The following ACYP2 variants were observed in gnomAD, a reference collection of about 807,000 sequenced individuals.
ACYP2 encodes acylphosphatase-2.
Under a neutral mutation model 11.2 loss-of-function variants are expected in ACYP2, and 12 were observed. The ratio of observed to expected loss-of-function variants is 1.08; its 90% CI spans 0.69 to 1.74. The LOEUF is 1.74. Ranked by LOEUF, ACYP2 falls within the 40% of genes most tolerant of loss-of-function variation. The pLI is 0.00. For missense variants in ACYP2, 134 were observed against 101.9 expected (o/e 1.31, Z -1.35); for synonymous variants, 43 against 32.2 (o/e 1.33, Z -1.13).
At chr2:54,126,978 G>T (rs1462188458) in intron 4 of ACYP2, among the ~76,000 whole-genome samples, 7 of 149,944 alleles carry the variant, frequency 4.7e-5, no homozygotes, top group African/African-American at 1.7e-4. Context: ...AAATTGACAT[G>T]CAAAAAAGTA....
chr2:54,185,408 T>C (rs1368485241), intron 6 of ACYP2, among the ~76,000 whole-genome samples: 1 of 152,166 alleles, frequency 6.6e-6, no homozygotes, highest in East Asian at 1.9e-4. Flanking sequence ...AATACATGTG[T>C]TATTCAGTGG....
intron 2 of ACYP2, among the ~76,000 whole-genome samples, chr2:53,978,777 G>C (rs1289896451): frequency 6.6e-6 from 1 of 152,118 alleles, no homozygotes; most frequent in East Asian, 1.9e-4. Context: ...AAAAACATTA[G>C]CCAGGTATGG....
chr2:54,109,016 C>T (rs547818092), intron 4 of ACYP2, among the ~76,000 whole-genome samples: 1 of 152,082 alleles, frequency 6.6e-6, no homozygotes, highest in East Asian at 1.9e-4. Context: ...TTCTTTATGC[C>T]AGTTCAGATA....
At chr2:54,256,140 C>T (rs753811470) in intron 6 of ACYP2, 21 of 1,611,746 alleles carry the variant, frequency 1.3e-5, no homozygotes, top group South Asian at 4.4e-5. Flanking sequence ...GAGGACTCTC[C>T]GGGAGGCTCA....
At chr2:54,027,679 A>T (rs143863529) in intron 2 of ACYP2, among the ~76,000 whole-genome samples, 2 of 152,142 alleles carry the variant, frequency 1.3e-5, no homozygotes, top group African/African-American at 4.8e-5. Flanking sequence ...ATCTTGGTAT[A>T]TTTGTTATAA....
At chr2:54,073,779 G>A (rs1216364995) in intron 4 of ACYP2, among the ~76,000 whole-genome samples, 1 of 152,154 alleles carries the variant, frequency 6.6e-6, no homozygotes, top group Non-Finnish European at 1.5e-5. Flanking sequence ...ATGAAAAGTT[G>A]CTTGATGTCT....
intron 4 of ACYP2, among the ~76,000 whole-genome samples, chr2:54,106,507 A>G (rs927412779): frequency 1.3e-5 from 2 of 152,188 alleles, no homozygotes; most frequent in Admixed American, 1.3e-4. Flanking sequence ...CTTTATGAAA[A>G]GCTAATTTTA....
At chr2:54,005,854 A>T (rs10198376) in intron 2 of ACYP2, among the ~76,000 whole-genome samples, 105,253 of 152,178 alleles carry the variant, frequency 0.69, 37,089 homozygotes, top group African/African-American at 0.83. Flanking sequence ...TTGGTTAAAA[A>T]TCACCAAATA....
intron 4 of ACYP2, among the ~76,000 whole-genome samples, chr2:54,072,497 T>C (rs1032753390): frequency 2.6e-4 from 27 of 103,960 alleles, no homozygotes; most frequent in South Asian, 8.1e-4. Context: ...TTTTCTTTCT[T>C]TCTCTCTCTC....
chr2:54,247,892 A>G (rs1023129398), intron 6 of ACYP2, among the ~76,000 whole-genome samples: 2 of 152,206 alleles, frequency 1.3e-5, no homozygotes, highest in Admixed American at 6.5e-5. Flanking sequence ...TGAGTCTCAC[A>G]TTCCTCAGCT....
intron 2 of ACYP2, among the ~76,000 whole-genome samples, chr2:53,992,800 C>T (rs112043163): frequency 6.9e-6 from 1 of 144,278 alleles, no homozygotes; most frequent in African/African-American, 2.6e-5. Context: ...CACTGTACTC[C>T]AGCCTAGGCG....
At chr2:54,071,843 T>C (rs1000223696) in intron 4 of ACYP2, among the ~76,000 whole-genome samples, 1 of 152,144 alleles carries the variant, frequency 6.6e-6, no homozygotes, top group Non-Finnish European at 1.5e-5. Context: ...AAACCCCATC[T>C]GTACTAAAAA....
intron 6 of ACYP2, among the ~76,000 whole-genome samples, chr2:54,261,584 T>C (rs843690): frequency 0.046 from 7,052 of 152,324 alleles, 207 homozygotes; most frequent in Middle Eastern, 0.095. Flanking sequence ...AAAGAGCCTG[T>C]GAATTGTATA....
intron 2 of ACYP2, among the ~76,000 whole-genome samples, chr2:53,980,736 G>C (rs891862393): frequency 1.3e-5 from 2 of 151,498 alleles, no homozygotes; most frequent in Non-Finnish European, 2.9e-5. Context: ...CATGGTAAGC[G>C]CCCTGTATAG....
At chr2:54,104,031 C>A (rs1400431454) in intron 4 of ACYP2, among the ~76,000 whole-genome samples, 1 of 152,212 alleles carries the variant, frequency 6.6e-6, no homozygotes, top group Non-Finnish European at 1.5e-5. Flanking sequence ...CCAGGTTGAA[C>A]AAGAAAGCAG....
At chr2:54,161,587 T>C (rs1163184207) in intron 6 of ACYP2, among the ~76,000 whole-genome samples, 1 of 152,218 alleles carries the variant, frequency 6.6e-6, no homozygotes, top group Admixed American at 6.5e-5. Flanking sequence ...ATAGTAGGTA[T>C]ACATGTTCTA....
At chr2:54,286,437 G>C (rs1179111502) in intron 6 of ACYP2, among the ~76,000 whole-genome samples, 2 of 151,930 alleles carry the variant, frequency 1.3e-5, no homozygotes, top group Non-Finnish European at 1.5e-5. Context: ...CCATTACAAA[G>C]AGTCCCCCCA....
At chr2:54,056,097 A>T (rs1450726128) in intron 3 of ACYP2, among the ~76,000 whole-genome samples, 1 of 152,238 alleles carries the variant, frequency 6.6e-6, no homozygotes, top group Non-Finnish European at 1.5e-5. Flanking sequence ...TTCAAAAAAG[A>T]TGTCCATATA....
At chr2:54,180,612 T>C (rs1474436580) in intron 6 of ACYP2, among the ~76,000 whole-genome samples, 1 of 152,172 alleles carries the variant, frequency 6.6e-6, no homozygotes, top group Admixed American at 6.6e-5. Context: ...TAAAGTGTGG[T>C]GGCATGATCA....
Sources: gnomAD v4.1 joint callset for allele counts (sites outside exome capture counted in the v4.1 genomes callset) on GRCh38, gnomAD v4.1.1 for gene constraint, MANE v1.5 for transcripts, NCBI Gene and HGNC (gene_info 2026-07-23, HGNC 2026-07-21) for gene names.